MGMT: variants seen among roughly 807,000 people sequenced by gnomAD.
MGMT encodes methylated-DNA--protein-cysteine methyltransferase.
Under a neutral mutation model 15.9 loss-of-function variants are expected in MGMT, and 14 were observed. That is an observed-to-expected ratio of 0.88 (90% confidence interval 0.58 to 1.37). The LOEUF (loss-of-function observed/expected upper bound fraction) is 1.37, where lower values mean the gene tolerates loss of function less well. Among genes scored for constraint, MGMT ranks in the 40% most tolerant of loss-of-function variants. The pLI, the probability that MGMT is intolerant of heterozygous loss-of-function variation, is 0.00. For missense variants in MGMT, 282 were observed against 268.1 expected (o/e 1.05, Z -0.36); for synonymous variants, 130 against 118.2 (o/e 1.10, Z -0.65).
chr10:129,522,816 G>A (rs7096528), intron 1 of MGMT, among the ~76,000 whole-genome samples: 40,773 of 152,136 alleles, frequency 0.27, 7,003 homozygotes, highest in African/African-American at 0.49. Context: ...CTGCTCCACA[G>A]TGGCCACAGA....
chr10:129,497,213 C>G (rs992736961), intron 1 of MGMT, among the ~76,000 whole-genome samples: 1 of 152,194 alleles, frequency 6.6e-6, no homozygotes, highest in Non-Finnish European at 1.5e-5. Context: ...CGTCTCTGCA[C>G]CAGCATGTTT....
At chr10:129,584,387 A>G (rs948611389) in intron 2 of MGMT, among the ~76,000 whole-genome samples, 1 of 151,834 alleles carries the variant, frequency 6.6e-6, no homozygotes, top group African/African-American at 2.4e-5. Context: ...GAGATTTCAT[A>G]TTTCAAAAAG....
At chr10:129,488,012 C>CATAGGTAT (rs1564832157) in intron 1 of MGMT, among the ~76,000 whole-genome samples, 111 of 123,748 alleles carry the variant, frequency 9.0e-4, no homozygotes, top group African/African-American at 3.0e-3. Context: ...TATACACACA[C>CATAGGTAT]ACACACACAC....
At chr10:129,723,737 G>A (rs73394622) in intron 3 of MGMT, among the ~76,000 whole-genome samples, 8,146 of 152,094 alleles carry the variant, frequency 0.054, 509 homozygotes, top group African/African-American at 0.16. Context: ...CATTTTCATC[G>A]CAAAGACACA....
chr10:129,716,464 G>T (rs915387465), intron 3 of MGMT, among the ~76,000 whole-genome samples: 5 of 152,126 alleles, frequency 3.3e-5, no homozygotes, highest in African/African-American at 1.2e-4. Context: ...TTCCTTTCTG[G>T]ATTGGGCTCC....
chr10:129,527,416 C>G (rs1002851576), intron 1 of MGMT, among the ~76,000 whole-genome samples: 1 of 152,196 alleles, frequency 6.6e-6, no homozygotes, highest in African/African-American at 2.4e-5. Flanking sequence ...GACACTGGGG[C>G]TGCCCGCTTT....
intron 3 of MGMT, among the ~76,000 whole-genome samples, chr10:129,740,412 C>G (rs1848617780): frequency 6.6e-6 from 1 of 152,116 alleles, no homozygotes; most frequent in African/African-American, 2.4e-5. Context: ...TCTAAGGACT[C>G]ATGTCCTCTT....
At chr10:129,745,700 G>A (rs527582133) in intron 3 of MGMT, among the ~76,000 whole-genome samples, 69 of 152,038 alleles carry the variant, frequency 4.5e-4, no homozygotes, top group Non-Finnish European at 6.9e-4. Context: ...GCGTTTCCCC[G>A]ATGGCCAGTT....
At chr10:129,530,541 G>A (rs562471915) in intron 1 of MGMT, among the ~76,000 whole-genome samples, 4 of 152,172 alleles carry the variant, frequency 2.6e-5, no homozygotes, top group Admixed American at 6.5e-5. Flanking sequence ...CCGTTATTTT[G>A]TCTCCCTTTT....
rs149059902 is a variant in MGMT at position 129,480,326 on chromosome 10, G to A, written c.-13+13030G>A. 9.2e-5 allele frequency among the ~76,000 whole-genome samples: 14 copies of A among 152,296 alleles called. No individual in the cohort carries two copies. In the East Asian group the frequency reaches 1.9e-3, roughly 21 times the overall value. ...TGTAGCAGGGTGCAATCCGAGACCC[G>A]CTCTGTGAACTTTTTGCTCTCTATG... On this transcript the variant is annotated intron_variant, in intron 1 of 4. Coordinates refer to ENST00000651593, the MANE Select transcript of MGMT (RefSeq NM_002412.5).
chr10:129,611,718 A>T (rs1241156320), intron 2 of MGMT, among the ~76,000 whole-genome samples: 1 of 152,144 alleles, frequency 6.6e-6, no homozygotes, highest in African/African-American at 2.4e-5. Flanking sequence ...CGGGGGCCTA[A>T]GTCTTGGCTC....
intron 2 of MGMT, among the ~76,000 whole-genome samples, chr10:129,686,940 C>T (rs1409842500): frequency 6.6e-6 from 1 of 152,084 alleles, no homozygotes; most frequent in African/African-American, 2.4e-5. Flanking sequence ...AGAACAAAAA[C>T]ATGACTGACC....
At chr10:129,732,245 G>T (rs1465949389) in intron 3 of MGMT, among the ~76,000 whole-genome samples, 1 of 152,016 alleles carries the variant, frequency 6.6e-6, no homozygotes, top group Admixed American at 6.6e-5. Flanking sequence ...ATGTTGGTGT[G>T]CTGCACCCAT....
At chr10:129,550,829 T>G (rs1846148951) in intron 2 of MGMT, among the ~76,000 whole-genome samples, 1 of 152,194 alleles carries the variant, frequency 6.6e-6, no homozygotes, top group Non-Finnish European at 1.5e-5. Context: ...GCCCATCCCC[T>G]GGCACCCACC....
At chr10:129,579,763 G>A (rs1846530593) in intron 2 of MGMT, among the ~76,000 whole-genome samples, 1 of 152,192 alleles carries the variant, frequency 6.6e-6, no homozygotes, top group South Asian at 2.1e-4. Flanking sequence ...CATCGTTGAG[G>A]TTATGAGCTT....
intron 2 of MGMT, among the ~76,000 whole-genome samples, chr10:129,560,210 T>A (rs1846261038): frequency 6.6e-6 from 1 of 152,236 alleles, no homozygotes; most frequent in South Asian, 2.1e-4. Flanking sequence ...GTGTAAGTTC[T>A]TATATAAAAA....
chr10:129,484,396 A>G (rs571413885), intron 1 of MGMT, among the ~76,000 whole-genome samples: 2 of 152,206 alleles, frequency 1.3e-5, no homozygotes, highest in African/African-American at 4.8e-5. Context: ...TAATCTGTAC[A>G]TCCTATCGAT....
intron 1 of MGMT, among the ~76,000 whole-genome samples, chr10:129,500,758 C>T (rs188719150): frequency 3.6e-4 from 55 of 152,170 alleles, no homozygotes; most frequent in African/African-American, 1.3e-3. Context: ...ACCATGTTGC[C>T]CAGACTGGTC....
intron 2 of MGMT, among the ~76,000 whole-genome samples, chr10:129,619,414 A>G (rs1564739073): frequency 1.3e-5 from 2 of 152,142 alleles, no homozygotes; most frequent in Non-Finnish European, 2.9e-5. Context: ...AATGCTGGTT[A>G]TATTTGCTAA....
Sources: gnomAD v4.1 joint callset for allele counts (sites outside exome capture counted in the v4.1 genomes callset) on GRCh38, gnomAD v4.1.1 for gene constraint, MANE v1.5 for transcripts, NCBI Gene and HGNC (gene_info 2026-07-23, HGNC 2026-07-21) for gene names.